Variants in RARS2 observed in about 807,000 individuals in gnomAD.
RARS2 encodes the protein arginyl-tRNA synthetase 2, mitochondrial.
RARS2 carries 67 observed loss-of-function variants against 88.5 expected under a neutral mutation model. That is an observed-to-expected ratio of 0.76 (90% CI 0.62 to 0.93). The LOEUF (loss-of-function observed/expected upper bound fraction) is 0.93, where lower values mean the gene tolerates loss of function less well. Ranked by LOEUF, RARS2 falls within the 40% of genes least tolerant of loss-of-function variation. The probability of loss-of-function intolerance (pLI) is 0.00; values close to 1 mark genes in which losing one functional copy is unlikely to be tolerated. For synonymous variants in RARS2, 239 were observed against 230.3 expected, an observed-to-expected ratio of 1.04 and a Z score of -0.34; for missense variants, 664 against 684.2, an observed-to-expected ratio of 0.97 and a Z score of 0.33.
intron 17 of RARS2, among the ~76,000 whole-genome samples, chr6:87,517,091 A>G (rs1772013718): frequency 6.6e-6 from 1 of 152,184 alleles, no homozygotes; most frequent in Non-Finnish European, 1.5e-5. Flanking sequence ...AGCCTGGCCA[A>G]TATGATGAAA....
rs1775035537 is a variant in RARS2 at position 87,524,545 on chromosome 6, G to A, written c.974+12C>T. Reference sequence around the variant, plus strand: ...TTAGAACCAAATGTTGACCCTCACAGAGGCTACAAACCTGGTTGCATAGAG... The same window carrying A: ...TTAGAACCAAATGTTGACCCTCACAAAGGCTACAAACCTGGTTGCATAGAG... On this transcript the variant is annotated intron_variant, in intron 11 of 19. Transcript: ENST00000369536. The A allele has an allele frequency of 6.3e-7, 1 of 1,584,104 alleles. No homozygotes were observed. The highest frequency in any genetic ancestry group is 1.7e-5 in the Admixed American group (1 of 59,980).
At chr6:87,547,703 G>T (rs958848613) in intron 6 of RARS2, among the ~76,000 whole-genome samples, 6 of 151,608 alleles carry the variant, frequency 4.0e-5, no homozygotes, top group Non-Finnish European at 5.9e-5. Context: ...TAGTGCAGTG[G>T]TGCGCAGCTC....
chr6:87,524,799 A>G, intron 10 of RARS2, 147 bp from the exon 11 acceptor site: 1 of 662,372 alleles, frequency 1.5e-6, no homozygotes, highest in South Asian at 1.7e-5. Context: ...TCAACAATGG[A>G]AAAAAACAAG....
intron 1 of RARS2, among the ~76,000 whole-genome samples, chr6:87,574,989 C>G (rs1173824564): frequency 6.6e-6 from 1 of 151,606 alleles, no homozygotes; most frequent in Non-Finnish European, 1.5e-5. Flanking sequence ...CCTTAAAATA[C>G]AAAAAGAATG....
intron 10 of RARS2, among the ~76,000 whole-genome samples, chr6:87,527,020 G>A (rs917060170): frequency 6.6e-6 from 1 of 151,684 alleles, no homozygotes; most frequent in African/African-American, 2.4e-5. Flanking sequence ...ATAAGAAAGG[G>A]ACAGTCTCGG....
At chr6:87,571,256 A>G (rs1055889181) in intron 1 of RARS2, among the ~76,000 whole-genome samples, 5 of 151,942 alleles carry the variant, frequency 3.3e-5, no homozygotes, top group African/African-American at 1.2e-4. Context: ...CCCTTCGCTC[A>G]ACACTTCTCC....
chr6:87,554,967 G>A (rs1262803814), intron 5 of RARS2, among the ~76,000 whole-genome samples: 1 of 151,936 alleles, frequency 6.6e-6, no homozygotes, highest in African/African-American at 2.4e-5. Context: ...AGCCAGGTAT[G>A]GTGGCGGGCG....
At chr6:87,569,430 G>A (rs1768919177) in intron 2 of RARS2, 87 bp downstream of exon 2, 1 of 1,017,428 alleles carries the variant, frequency 9.8e-7, no homozygotes, top group South Asian at 1.3e-5. Flanking sequence ...TCCACAAACT[G>A]AAGAGTAACA....
At chr6:87,571,180 T>C (rs560132332) in intron 1 of RARS2, among the ~76,000 whole-genome samples, 1 of 152,264 alleles carries the variant, frequency 6.6e-6, no homozygotes, top group Admixed American at 6.5e-5. Flanking sequence ...GTTTCCCCCA[T>C]TCTGTTTTCG....
rs937413779 is a variant in RARS2 at position 87,576,402 on chromosome 6, G to A, written c.37-6812C>T. On this transcript the variant is annotated intron_variant, in intron 1 of 19. Transcript: ENST00000369536. ...CGCCATTCTCCTGCCTCAGCCTCCC[G>A]AGTAGCTGGGACTACAGGCGCCCGC... Among the ~76,000 whole-genome samples, 2 of 102,692 alleles carry A rather than the reference G, an allele frequency of 1.9e-5. 1 individual carries two copies. Among genetic ancestry groups the A allele is most frequent in the East Asian group, 5.6e-4 (2 of 3,554 alleles). The allele number at this position is 102,692 out of a possible 152,430, so 67.4% of individuals were successfully genotyped here.
intron 5 of RARS2, among the ~76,000 whole-genome samples, chr6:87,555,085 TGA>T (rs1785422272): frequency 6.8e-6 from 1 of 147,474 alleles, no homozygotes; most frequent in Admixed American, 6.9e-5. Flanking sequence ...GGCGACAGAG[TGA>T]GACTCCGTCT....
At chr6:87,568,061 G>A (rs910297621) in intron 2 of RARS2, among the ~76,000 whole-genome samples, 1 of 152,136 alleles carries the variant, frequency 6.6e-6, no homozygotes, top group African/African-American at 2.4e-5. Context: ...GTGAGCCACC[G>A]TGCCCGGCCC....
chr6:87,530,640 C>CA (rs199534230), intron 9 of RARS2, 144 bp downstream of exon 9: 17,775 of 847,352 alleles, frequency 0.021, 1 homozygote, highest in Non-Finnish European at 0.024. Flanking sequence ...TCTTTCAGCC[C>CA]AAAAAAAAAA....
chr6:87,560,025 T>C lies in RARS2; in HGVS notation c.297+2677A>G, dbSNP rs1285290639. Among the ~76,000 whole-genome samples the C allele has an allele frequency of 2.0e-5, 3 of 152,232 alleles. No individual in the cohort carries two copies. In the East Asian group the frequency reaches 5.8e-4, roughly 29 times the overall value. Reference sequence around the variant, plus strand: ...TAGGTCCGTGTAGTCGGTTTTATCATCTAGGTTTGTGTAAGTACACTCTAT... The same window carrying C: ...TAGGTCCGTGTAGTCGGTTTTATCACCTAGGTTTGTGTAAGTACACTCTAT... On this transcript the variant is annotated intron_variant, in intron 4 of 19. Transcript: ENST00000369536.
Position 87,589,933 on chromosome 6 carries a change from T to A in RARS2, c.25A>T (p.Ile9Phe). Reference sequence around the variant, plus strand: ...TCCGGGATCCATACCTGGCAAGCAATAGCGCGGCGAAAGCCGCACGCCATG... The same window carrying A: ...TCCGGGATCCATACCTGGCAAGCAAAAGCGCGGCGAAAGCCGCACGCCATG... MACGFRRAIACQLSRVLNL... is the reference protein window; with the variant it reads MACGFRRAFACQLSRVLNL... The change falls in exon 1 of 20, where the codon ATT becomes TTT. Residue 9 changes from isoleucine to phenylalanine, a missense_variant. Physicochemically the swap from Ile to Phe is conservative, Grantham distance 21 (BLOSUM62 0). Transcript: ENST00000369536. The A allele has an allele frequency of 6.2e-7, 1 of 1,614,030 alleles. No individual in the cohort carries two copies. Among genetic ancestry groups the A allele is most frequent in the Non-Finnish European group, 8.5e-7 (1 of 1,180,032 alleles).
At chr6:87,540,063 T>C (rs1359371076) in intron 8 of RARS2, among the ~76,000 whole-genome samples, 3 of 152,086 alleles carry the variant, frequency 2.0e-5, no homozygotes, top group Non-Finnish European at 2.9e-5. Context: ...GAAGAAATCT[T>C]TTGGTTAACA....
chr6:87,573,348 A>T (rs1209827483), intron 1 of RARS2, among the ~76,000 whole-genome samples: 2 of 152,136 alleles, frequency 1.3e-5, no homozygotes, highest in East Asian at 3.8e-4. Flanking sequence ...ACCATTAGAA[A>T]CCATCCCCAT....
Position 87,514,459 on chromosome 6 carries a change from G to T in RARS2, c.1691C>A (p.Ala564Asp). The T allele has an allele frequency of 6.2e-7, 1 of 1,612,876 alleles. No homozygotes were observed. Among genetic ancestry groups the T allele is most frequent in the Non-Finnish European group, 8.5e-7 (1 of 1,179,028 alleles). ...HLFKAVRSVLANGMKLLGITP... is the reference protein window; with the variant it reads ...HLFKAVRSVLDNGMKLLGITP... Reference sequence around the variant, plus strand: ...TATTCCAAGAAGTTTCATTCCATTGGCTAGGACAGAACGGACAGCTTTGAA... The same window carrying T: ...TATTCCAAGAAGTTTCATTCCATTGTCTAGGACAGAACGGACAGCTTTGAA... The change falls in exon 20 of 20, where the codon GCC (alanine) becomes GAC (aspartate). Residue 564 changes from alanine to aspartate, a missense_variant. Physicochemically the swap from Ala to Asp is moderately radical, Grantham distance 126 (BLOSUM62 -2). Coordinates refer to ENST00000369536, the MANE Select transcript of RARS2 (RefSeq NM_020320.5).
rs751340181 is a variant in RARS2, at chr6:87,528,317, A to C, written c.878+1225T>G. ...GAACCCTTGTACACTGTTGGTGGGA[A>C]TGTTGGTATAGCCATTATGGAAAAC... On this transcript the variant is annotated intron_variant, in intron 10 of 19. Coordinates refer to ENST00000369536, the MANE Select transcript of RARS2 (RefSeq NM_020320.5). Among the ~76,000 whole-genome samples the C allele has an allele frequency of 4.6e-5, 7 of 152,138 alleles. No homozygotes were observed. The South Asian group carries it at 1.4e-3, about 31-fold the overall frequency.
Sources: gnomAD v4.1 joint callset for allele counts (sites outside exome capture counted in the v4.1 genomes callset) on GRCh38, gnomAD v4.1.1 for gene constraint, MANE v1.5 for transcripts, NCBI Gene and HGNC (gene_info 2026-07-23, HGNC 2026-07-21) for gene names.